The following TRAP1 variants were observed in gnomAD, a reference collection of about 807,000 sequenced individuals.
TRAP1 encodes heat shock protein 75 kDa, mitochondrial.
TRAP1 carries 102 observed loss-of-function variants against 89.1 expected under a neutral mutation model. The observed-to-expected ratio is 1.15, with a 90% CI of 0.98 to 1.35. TRAP1 has a LOEUF of 1.35. Among genes scored for constraint, TRAP1 ranks in the 40% most tolerant of loss-of-function variants. TRAP1 has a pLI of 0.00. For synonymous variants in TRAP1, 508 were observed against 388.0 expected, an observed-to-expected ratio of 1.31 and a Z score of -3.64; for missense variants, 1,256 against 945.3, an observed-to-expected ratio of 1.33 and a Z score of -4.31.
At chr16:3,682,387 C>CA (rs569995327) in intron 4 of TRAP1, among the ~76,000 whole-genome samples, 26,367 of 78,224 alleles carry the variant, frequency 0.34, 3,039 homozygotes, top group East Asian at 0.42. Context: ...CCTGCCTCTA[C>CA]AAAAAAAAAA....
intron 1 of TRAP1, among the ~76,000 whole-genome samples, chr16:3,707,561 A>G (rs2051465893): frequency 6.6e-6 from 1 of 151,796 alleles, no homozygotes; most frequent in Non-Finnish European, 1.5e-5. Flanking sequence ...AATTTAAGTC[A>G]AAAGACAAAC....
chr16:3,671,020 C>G (rs1336113209), intron 11 of TRAP1, among the ~76,000 whole-genome samples: 1 of 152,176 alleles, frequency 6.6e-6, no homozygotes, highest in African/African-American at 2.4e-5. Context: ...CATTTCAACA[C>G]TGGAGAGAAA....
intron 1 of TRAP1, among the ~76,000 whole-genome samples, chr16:3,703,671 G>C (rs777962492): frequency 1.1e-4 from 17 of 151,928 alleles, no homozygotes; most frequent in Non-Finnish European, 1.8e-4. Context: ...TTGCATATTG[G>C]ACTACATATA....
rs570751057 is a variant in TRAP1, at chr16:3,695,414, A to G, written c.89-4429T>C. 7.2e-5 allele frequency among the ~76,000 whole-genome samples: 11 copies of G among 151,962 alleles called. No individual in the cohort carries two copies. The South Asian group carries it at 2.3e-3, about 32-fold the overall frequency. On this transcript the variant is annotated intron_variant, in intron 1 of 17. Transcript: ENST00000246957. ...TAGCCAGACGTGGTGGCGCACTTCTAGTTATCAGCTACTCGGGAGGCCGAG... is the reference window on the plus strand; with the variant it reads ...TAGCCAGACGTGGTGGCGCACTTCTGGTTATCAGCTACTCGGGAGGCCGAG...
intron 16 of TRAP1, 71 bp downstream of exon 16, chr16:3,661,916 C>T: frequency 3.3e-6 from 5 of 1,499,926 alleles, no homozygotes; most frequent in Non-Finnish European, 4.4e-6. Context: ...TCACATTCCA[C>T]AACAAAAGAA....
chr16:3,701,702 G>C (rs2051367833), intron 1 of TRAP1, among the ~76,000 whole-genome samples: 1 of 152,130 alleles, frequency 6.6e-6, no homozygotes, highest in Non-Finnish European at 1.5e-5. Flanking sequence ...GTGAGTAACA[G>C]AACACAGAGA....
rs567264717 is a variant in TRAP1 at position 3,675,426 on chromosome 16, G to C, written c.815-29C>G. 15 of 1,607,590 alleles carry C rather than the reference G, an allele frequency of 9.3e-6. No individual in the cohort carries two copies. In the Admixed American group the frequency reaches 2.3e-4, roughly 25 times the overall value. ...GAAGGGACAAAAGAAAAACCACACT[G>C]CATCTACAATGCTTGTGGAAACGCA... On this transcript the variant is annotated intron_variant, in intron 7 of 17. Coordinates refer to ENST00000246957, the MANE Select transcript of TRAP1 (RefSeq NM_016292.3).
chr16:3,710,871 A>AT (rs1289903709), intron 1 of TRAP1, among the ~76,000 whole-genome samples: 3 of 109,126 alleles, frequency 2.7e-5, no homozygotes, highest in Admixed American at 9.2e-5. Flanking sequence ...ATATATATAT[A>AT]TATATATATT....
In TRAP1 at chr16:3,682,413, G is replaced by A. The variant is rs565612794; in HGVS notation, c.472-2623C>T. Among the ~76,000 whole-genome samples, 69 of 148,926 alleles carry A rather than the reference G, an allele frequency of 4.6e-4. 1 individual carries two copies. The highest frequency in any genetic ancestry group is 7.9e-4 in the East Asian group (4 of 5,044). On this transcript the variant is annotated intron_variant, in intron 4 of 17. Transcript: ENST00000246957. ...AAAAAAAAAAAAAAAAAAATTTCTC[G>A]CTCTGTCACGCAGGCTAGAGTGCTG...
chr16:3,676,731 C>T (rs184319723), intron 6 of TRAP1: 2 of 152,550 alleles, frequency 1.3e-5, no homozygotes, highest in Non-Finnish European at 2.9e-5. Context: ...AGGGAGGACG[C>T]CTCGGCTGGC....
intron 1 of TRAP1, among the ~76,000 whole-genome samples, chr16:3,715,100 G>A (rs1326348928): frequency 1.3e-5 from 2 of 152,186 alleles, no homozygotes; most frequent in East Asian, 1.9e-4. Flanking sequence ...TTGAACCACC[G>A]CACCAGAAGA....
At chr16:3,661,863 A>G in intron 16 of TRAP1, 124 bp downstream of exon 16, 1 of 1,279,200 alleles carries the variant, frequency 7.8e-7, no homozygotes, top group Non-Finnish European at 1.0e-6. Context: ...AGCTCCTTAT[A>G]GTTACCCACA....
At chr16:3,673,962 G>A (rs144230829) in intron 9 of TRAP1, among the ~76,000 whole-genome samples, 20 of 152,194 alleles carry the variant, frequency 1.3e-4, no homozygotes, top group African/African-American at 4.8e-4. Context: ...CCCTCCCCAG[G>A]CACACCCCAG....
chr16:3,664,361 G>C lies in TRAP1; in HGVS notation c.1482C>G (p.Thr494=). 1.2e-6 allele frequency: 2 copies of C among 1,613,036 alleles called. No individual in the cohort carries two copies. Among genetic ancestry groups the C allele is most frequent in the Non-Finnish European group, 1.7e-6 (2 of 1,179,620 alleles). Residue 494 remains threonine, a synonymous_variant, in exon 13 of 18, where the codon ACC becomes ACG. Transcript: ENST00000246957. ...GGGCGCACAGGTAGTAGATGTTGCG[G>C]GTGCCGGCCCGCATGCGGCTGGCGT... ...SEYASRMRAG[T]RNIYYLCAPN...
At chr16:3,685,861 C>T in intron 4 of TRAP1, 135 bp downstream of exon 4, 1 of 1,205,044 alleles carries the variant, frequency 8.3e-7, no homozygotes, top group Non-Finnish European at 1.1e-6. Context: ...TACTGTAACA[C>T]TAAATTATAG....
chr16:3,671,894 A>G, intron 10 of TRAP1, 103 bp from the exon 11 acceptor site: 1 of 1,229,682 alleles, frequency 8.1e-7, no homozygotes, highest in Middle Eastern at 1.9e-4. Flanking sequence ...CCTTCAACCC[A>G]GCACGTGTGC....
At chr16:3,663,733 A>C in intron 13 of TRAP1, 171 bp from the exon 14 acceptor site, 1 of 759,844 alleles carries the variant, frequency 1.3e-6, no homozygotes, top group Non-Finnish European at 2.1e-6. Context: ...CCTGGGTCTA[A>C]GGAAGGCTCT....
At chr16:3,663,362 G>A (rs1329665474) in intron 14 of TRAP1, 62 bp downstream of exon 14, 6 of 1,603,282 alleles carry the variant, frequency 3.7e-6, no homozygotes, top group Non-Finnish European at 4.3e-6. Flanking sequence ...CTCGCTGCGG[G>A]GCAGGAGAGG....
chr16:3,694,659 A>T (rs2051262717), intron 1 of TRAP1, among the ~76,000 whole-genome samples: 1 of 152,154 alleles, frequency 6.6e-6, no homozygotes, highest in African/African-American at 2.4e-5. Flanking sequence ...AAGAATAAAA[A>T]TAGAGACAAG....
Sources: gnomAD v4.1 joint callset for allele counts (sites outside exome capture counted in the v4.1 genomes callset) on GRCh38, gnomAD v4.1.1 for gene constraint, MANE v1.5 for transcripts, NCBI Gene and HGNC (gene_info 2026-07-23, HGNC 2026-07-21) for gene names.